Variants in COLEC12 observed in about 807,000 individuals in gnomAD.
COLEC12 encodes collectin subfamily member 12.
Under a neutral mutation model 71.1 loss-of-function variants are expected in COLEC12, and 33 were observed. That is an observed-to-expected ratio of 0.46 (90% confidence interval 0.35 to 0.62). The LOEUF is 0.62. Among genes scored for constraint, COLEC12 ranks in the 20% least tolerant of loss-of-function variants. COLEC12 has a pLI of 0.00. For missense variants in COLEC12, 765 were observed against 916.1 expected (o/e 0.84, Z 2.13); for synonymous variants, 350 against 353.0 (o/e 0.99, Z 0.10).
intron 2 of COLEC12, among the ~76,000 whole-genome samples, chr18:376,812 C>T (rs1368087366): frequency 6.6e-6 from 1 of 152,200 alleles, no homozygotes; most frequent in Non-Finnish European, 1.5e-5. Context: ...GAGACCCTAG[C>T]ACAGTGTCAG....
chr18:483,942 A>T (rs1182696830), intron 1 of COLEC12, among the ~76,000 whole-genome samples: 1 of 152,036 alleles, frequency 6.6e-6, no homozygotes, highest in Admixed American at 6.5e-5. Flanking sequence ...TATCCTTTCC[A>T]CCACTGTGCC....
At chr18:496,513 T>A (rs2143798593) in intron 1 of COLEC12, among the ~76,000 whole-genome samples, 1 of 152,362 alleles carries the variant, frequency 6.6e-6, no homozygotes, top group South Asian at 2.1e-4. Flanking sequence ...AATATGACTC[T>A]TTCAATGTTA....
At chr18:438,779 G>T (rs551378004) in intron 2 of COLEC12, among the ~76,000 whole-genome samples, 1 of 149,938 alleles carries the variant, frequency 6.7e-6, no homozygotes, top group Non-Finnish European at 1.5e-5. Context: ...TTGCAGCCTG[G>T]GCGACAGAAT....
At chr18:474,795 CA>C (rs1262806617) in intron 2 of COLEC12, among the ~76,000 whole-genome samples, 2 of 152,166 alleles carry the variant, frequency 1.3e-5, no homozygotes, top group Admixed American at 6.5e-5. Flanking sequence ...AATCAGAGGC[CA>C]GGGGTGGTGG....
In COLEC12 at chr18:346,295, C is replaced by A; in HGVS notation, c.1327G>T (p.Gly443Cys). 1.3e-6 allele frequency: 2 copies of A among 1,598,040 alleles called. No homozygotes were observed. Among genetic ancestry groups the A allele is most frequent in the Non-Finnish European group, 1.7e-6 (2 of 1,170,554 alleles). The part of the protein sequence containing the change: ...QLIKNFTILQ[G>C]PPGPRGPRGD... ...ATACAAATTCAGAATTTTGACTTAC[C>A]TTGTAGTATTGTAAAATTCTTGATG... The change falls in exon 5 of 10, where the codon GGT becomes TGT. Residue 443 changes from glycine (G) to cysteine (C), a missense_variant and splice_region_variant. Gly to Cys is a radical substitution (Grantham distance 159). Coordinates refer to ENST00000400256, the MANE Select transcript of COLEC12 (RefSeq NM_130386.3). The surrounding 1 kb of genome is among the most constrained non-coding windows in gnomAD (Gnocchi z 4.0).
At chr18:358,152 A>G (rs1217951426) in intron 2 of COLEC12, among the ~76,000 whole-genome samples, 1 of 152,142 alleles carries the variant, frequency 6.6e-6, no homozygotes, top group Non-Finnish European at 1.5e-5. Flanking sequence ...ATTATCTTCC[A>G]TGAAACTGGT....
chr18:433,442 G>C (rs1474439808), intron 2 of COLEC12, among the ~76,000 whole-genome samples: 1 of 152,148 alleles, frequency 6.6e-6, no homozygotes, highest in East Asian at 1.9e-4. Context: ...AGAAACCTCA[G>C]ATAGTCTGAA....
At chr18:464,696 C>G (rs1369958152) in intron 2 of COLEC12, among the ~76,000 whole-genome samples, 1 of 152,200 alleles carries the variant, frequency 6.6e-6, no homozygotes, top group East Asian at 1.9e-4. Flanking sequence ...ACCATCAATA[C>G]TGGTGCTATG....
chr18:392,152 C>CT (rs1915475550), intron 2 of COLEC12, among the ~76,000 whole-genome samples: 1 of 152,132 alleles, frequency 6.6e-6, no homozygotes, highest in Admixed American at 6.5e-5. Context: ...CAAATGGATG[C>CT]TTTTTTCTAA....
intron 1 of COLEC12, among the ~76,000 whole-genome samples, chr18:486,619 C>T (rs1917523189): frequency 6.6e-6 from 1 of 152,176 alleles, no homozygotes; most frequent in South Asian, 2.1e-4. Context: ...CTCAGGGGTT[C>T]CACACCATGA....
At chr18:338,505 T>C (rs982317093) in intron 5 of COLEC12, among the ~76,000 whole-genome samples, 1 of 152,210 alleles carries the variant, frequency 6.6e-6, no homozygotes, top group African/African-American at 2.4e-5. Context: ...AGGAGATCCA[T>C]CTTTCCTTGC....
Position 480,498 on chromosome 18 carries a change from G to A in COLEC12, c.58+209C>T, listed in dbSNP as rs1034295209. The stretch of plus-strand genomic sequence containing the variant: ...CATCCCATCACTTCCCCATGCCTGG[G>A]TGCAGCTCCTGTCCCATGGCCCCTC... On this transcript the variant is annotated intron_variant, in intron 2 of 9. Coordinates refer to ENST00000400256, the MANE Select transcript of COLEC12 (RefSeq NM_130386.3). The surrounding 1 kb of genome is among the most constrained non-coding windows in gnomAD (Gnocchi z 4.1). Among the ~76,000 whole-genome samples the A allele has an allele frequency of 1.3e-5, 2 of 152,020 alleles. No homozygotes were observed. The highest frequency in any genetic ancestry group is 4.8e-5 in the African/African-American group (2 of 41,374).
intron 2 of COLEC12, among the ~76,000 whole-genome samples, chr18:464,239 A>G (rs577810440): frequency 1.3e-5 from 2 of 152,330 alleles, no homozygotes; most frequent in South Asian, 4.1e-4. Context: ...GGCTGTAGCA[A>G]CCTTGAGAGC....
chr18:407,427 T>C (rs1054548430), intron 2 of COLEC12, among the ~76,000 whole-genome samples: 3 of 152,156 alleles, frequency 2.0e-5, no homozygotes, highest in African/African-American at 4.8e-5. Context: ...TTGATGGCGC[T>C]AGTTTCAGTC....
In COLEC12 at chr18:500,414, G is replaced by T; in HGVS notation, c.7+94C>A. ...CGACTCCCCGGGCCCGCAGCCCAAGGGAAGGTTCGCGCGGGAGGCACCTCC... is the reference window on the plus strand; with the variant it reads ...CGACTCCCCGGGCCCGCAGCCCAAGTGAAGGTTCGCGCGGGAGGCACCTCC... On this transcript the variant is annotated intron_variant, in intron 1 of 9. Coordinates refer to ENST00000400256, the MANE Select transcript of COLEC12 (RefSeq NM_130386.3). This position sits in a 1 kb window ranked among gnomAD's most constrained non-coding sequence, Gnocchi z 5.3. 1.1e-6 allele frequency: 1 copy of T among 885,048 alleles called. No individual in the cohort carries two copies. Among genetic ancestry groups the T allele is most frequent in the Non-Finnish European group, 1.5e-6 (1 of 684,040 alleles). 54.8% of individuals were successfully genotyped at this position (885,048 alleles called of 1,614,324 possible).
At position 317,999 on chromosome 18, in the gene COLEC12, A is replaced by AC. The variant is rs1192210383; in HGVS notation, c.*2045_*2046insG. ...ATTCTTTTTTTTTTTTCTTTTTGAGATGAGTCTCGCTCTGTCGCCCAGGCT... is the reference window on the plus strand; with the variant it reads ...ATTCTTTTTTTTTTTTCTTTTTGAGACTGAGTCTCGCTCTGTCGCCCAGGCT... On this transcript the variant is annotated 3_prime_UTR_variant, in exon 10 of 10. Coordinates refer to ENST00000400256, the MANE Select transcript of COLEC12 (RefSeq NM_130386.3). 6 of 149,350 alleles carry AC rather than the reference A, an allele frequency of 4.0e-5. No individual in the cohort carries two copies. Among genetic ancestry groups the AC allele is most frequent in the South Asian group, 2.1e-4 (1 of 4,712 alleles). The allele number at this position is 149,350 out of a possible 1,614,324, so 9.3% of individuals were successfully genotyped here.
intron 2 of COLEC12, among the ~76,000 whole-genome samples, chr18:380,706 A>C (rs547381187): frequency 6.6e-6 from 1 of 152,244 alleles, no homozygotes; most frequent in East Asian, 1.9e-4. Context: ...TGCCCCAGTG[A>C]TAATATGGAT....
intron 5 of COLEC12, among the ~76,000 whole-genome samples, chr18:343,557 C>A (rs938804271): frequency 6.6e-6 from 1 of 152,004 alleles, no homozygotes; most frequent in Non-Finnish European, 1.5e-5. Flanking sequence ...TAAAGCAGAT[C>A]ATCTCAACAC....
At chr18:357,009 T>A (rs1356262363) in intron 3 of COLEC12, among the ~76,000 whole-genome samples, 2 of 152,288 alleles carry the variant, frequency 1.3e-5, no homozygotes, top group East Asian at 3.9e-4. Context: ...GGAGATCTTG[T>A]GTTTTGCTTA....
Sources: allele counts gnomAD v4.1 joint callset (sites outside exome capture counted in the v4.1 genomes callset), GRCh38; gene constraint gnomAD v4.1.1; non-coding constraint Gnocchi (gnomAD v3.1); transcripts MANE v1.5; gene names NCBI Gene and HGNC (gene_info 2026-07-23, HGNC 2026-07-21).